PCCA: variants seen among roughly 807,000 people sequenced by gnomAD.
The protein encoded by PCCA is propionyl-CoA carboxylase subunit alpha.
In PCCA, 74 loss-of-function variants were observed where a neutral mutation model predicts 101.3. The ratio of observed to expected loss-of-function variants is 0.73; its 90% CI spans 0.61 to 0.89. PCCA has a LOEUF of 0.89. Among genes scored for constraint, PCCA ranks in the 40% least tolerant of loss-of-function variants. The pLI is 0.00. For missense variants in PCCA, 891 were observed against 907.0 expected, an observed-to-expected ratio of 0.98 and a Z score of 0.23; for synonymous variants, 294 against 313.6, an observed-to-expected ratio of 0.94 and a Z score of 0.66.
intron 15 of PCCA, 146 bp downstream of exon 15, chr13:100,307,406 T>G (rs1237664342): frequency 1.5e-6 from 1 of 665,888 alleles, no homozygotes; most frequent in Non-Finnish European, 2.6e-6. Flanking sequence ...CAGAGCAGGT[T>G]TTTTCTCTTG....
intron 8 of PCCA, among the ~76,000 whole-genome samples, chr13:100,251,803 A>G (rs1294978889): frequency 6.6e-6 from 1 of 152,262 alleles, no homozygotes; most frequent in African/African-American, 2.4e-5. Context: ...CGAGGATACA[A>G]TATCAACTAT....
At chr13:100,448,287 G>A (rs772850912) in intron 20 of PCCA, among the ~76,000 whole-genome samples, 20 of 152,092 alleles carry the variant, frequency 1.3e-4, no homozygotes, top group Non-Finnish European at 2.5e-4. Context: ...CCGCCTCCTG[G>A]GTCCAAGCAA....
chr13:100,344,238 C>T (rs181850044), intron 18 of PCCA, among the ~76,000 whole-genome samples: 10 of 152,004 alleles, frequency 6.6e-5, no homozygotes, highest in African/African-American at 2.4e-4. Context: ...AAATTGTATT[C>T]GAAACTTGAG....
chr13:100,279,021 A>G (rs954054553), intron 12 of PCCA, among the ~76,000 whole-genome samples: 1 of 152,172 alleles, frequency 6.6e-6, no homozygotes. Context: ...TGTCATGTCC[A>G]TGTTCGGCCT....
chr13:100,512,385 C>T (rs533035066), intron 21 of PCCA, among the ~76,000 whole-genome samples: 103 of 152,360 alleles, frequency 6.8e-4, no homozygotes, highest in Non-Finnish European at 1.1e-3. Flanking sequence ...CTCATTCCCT[C>T]CCATTACTGT....
intron 12 of PCCA, among the ~76,000 whole-genome samples, chr13:100,298,150 T>A (rs1041163472): frequency 1.3e-5 from 2 of 152,168 alleles, no homozygotes; most frequent in Non-Finnish European, 2.9e-5. Context: ...GAAGCCAGGT[T>A]CTCAAATATT....
intron 8 of PCCA, among the ~76,000 whole-genome samples, chr13:100,236,289 G>T (rs1309602344): frequency 2.0e-5 from 3 of 152,104 alleles, no homozygotes; most frequent in Non-Finnish European, 4.4e-5. Context: ...AAGATGTTAG[G>T]TATCAACTTA....
At chr13:100,164,647 T>TA (rs533251928) in intron 6 of PCCA, among the ~76,000 whole-genome samples, 85 of 152,348 alleles carry the variant, frequency 5.6e-4, no homozygotes, top group African/African-American at 2.0e-3. Flanking sequence ...TTGGTCCATT[T>TA]AAAAAATGTT....
chr13:100,396,758 A>G (rs931692214), intron 19 of PCCA, among the ~76,000 whole-genome samples: 4 of 152,226 alleles, frequency 2.6e-5, no homozygotes, highest in African/African-American at 4.8e-5. Context: ...TATTTATTTT[A>G]TGAAGCCCCT....
At chr13:100,391,938 G>A (rs911514943) in intron 19 of PCCA, among the ~76,000 whole-genome samples, 3 of 152,036 alleles carry the variant, frequency 2.0e-5, no homozygotes, top group Non-Finnish European at 4.4e-5. Flanking sequence ...TGTTTGTTTT[G>A]TCTTCTGTGT....
intron 6 of PCCA, among the ~76,000 whole-genome samples, chr13:100,178,450 T>C (rs1297292310): frequency 2.0e-5 from 3 of 152,220 alleles, no homozygotes; most frequent in Admixed American, 2.0e-4. Flanking sequence ...TTTCAAATTA[T>C]TTGCTTCTCA....
chr13:100,491,097 C>G (rs1006356405), intron 21 of PCCA: 3 of 123,228 alleles, frequency 2.4e-5, no homozygotes, highest in Non-Finnish European at 4.9e-5. Context: ...GCTTTAAGAC[C>G]TCCTGGTTTA....
At chr13:100,158,866 C>G (rs547059339) in intron 6 of PCCA, among the ~76,000 whole-genome samples, 1 of 151,928 alleles carries the variant, frequency 6.6e-6, no homozygotes, top group Non-Finnish European at 1.5e-5. Flanking sequence ...TTTGGCCTAT[C>G]AAGCCTAAAA....
intron 20 of PCCA, among the ~76,000 whole-genome samples, chr13:100,448,451 A>G (rs569762699): frequency 6.6e-6 from 1 of 152,284 alleles, no homozygotes; most frequent in African/African-American, 2.4e-5. Context: ...TCAACCTCCC[A>G]GAGTGCTGGA....
chr13:100,319,196 T>TGTAA (rs1302808646), intron 16 of PCCA, among the ~76,000 whole-genome samples: 1 of 152,240 alleles, frequency 6.6e-6, no homozygotes, highest in Non-Finnish European at 1.5e-5. Flanking sequence ...GTTTTTTTCT[T>TGTAA]GTAAATTTGT....
intron 18 of PCCA, among the ~76,000 whole-genome samples, chr13:100,362,138 GT>G (rs1158139580): frequency 3.9e-5 from 6 of 151,976 alleles, no homozygotes; most frequent in South Asian, 2.1e-4. Context: ...AAAAGCCACA[GT>G]TTTTTTTGGA....
chr13:100,460,583 A>G (rs1371528723), intron 21 of PCCA, among the ~76,000 whole-genome samples: 1 of 152,250 alleles, frequency 6.6e-6, no homozygotes, highest in Admixed American at 6.5e-5. Context: ...AAGCTAATTT[A>G]AATCTCAAAT....
At chr13:100,356,632 A>G (rs563901370) in intron 18 of PCCA, among the ~76,000 whole-genome samples, 1 of 152,302 alleles carries the variant, frequency 6.6e-6, no homozygotes, top group Non-Finnish European at 1.5e-5. Flanking sequence ...TTATGACTAC[A>G]GTGATATGAA....
chr13:100,173,447 T>C (rs2055911623), intron 6 of PCCA, among the ~76,000 whole-genome samples: 1 of 152,048 alleles, frequency 6.6e-6, no homozygotes, highest in Admixed American at 6.5e-5. Flanking sequence ...ATCAAGTAAA[T>C]AATAAGAGAT....
Sources: gnomAD v4.1 joint callset for allele counts (sites outside exome capture counted in the v4.1 genomes callset) on GRCh38, gnomAD v4.1.1 for gene constraint, MANE v1.5 for transcripts, NCBI Gene and HGNC (gene_info 2026-07-23, HGNC 2026-07-21) for gene names.